The following RGS7 variants were observed in gnomAD, a reference collection of about 807,000 sequenced individuals.
RGS7 encodes the protein regulator of G-protein signaling 7.
In RGS7, 27 loss-of-function variants were observed where a neutral mutation model predicts 81.1. That is an observed-to-expected ratio of 0.33 (90% confidence interval 0.25 to 0.46). The LOEUF is 0.46. Among genes scored for constraint, RGS7 ranks in the 20% least tolerant of loss-of-function variants. The pLI, the probability that RGS7 is intolerant of heterozygous loss-of-function variation, is 1.00. For synonymous variants in RGS7, 208 were observed against 207.7 expected (o/e 1.00, Z -0.01); for missense variants, 396 against 607.4 (o/e 0.65, Z 3.66).
chr1:241,134,643 G>A (rs1558115212), intron 2 of RGS7, among the ~76,000 whole-genome samples: 1 of 152,192 alleles, frequency 6.6e-6, no homozygotes, highest in African/African-American at 2.4e-5. Context: ...AGGCCCACGA[G>A]GGAAAGTGCC....
chr1:241,024,235 A>C (rs1044330145), intron 3 of RGS7, among the ~76,000 whole-genome samples: 3 of 152,210 alleles, frequency 2.0e-5, no homozygotes, highest in African/African-American at 7.2e-5. Flanking sequence ...TAGCACCTTC[A>C]CTTAACAGGT....
At chr1:241,129,619 G>A (rs1173735200) in intron 2 of RGS7, among the ~76,000 whole-genome samples, 2 of 152,132 alleles carry the variant, frequency 1.3e-5, no homozygotes, top group African/African-American at 4.8e-5. Context: ...CCGGCAGAGA[G>A]AATAAAACAG....
intron 2 of RGS7, among the ~76,000 whole-genome samples, chr1:241,241,954 T>C (rs1449821760): frequency 6.6e-6 from 1 of 152,110 alleles, no homozygotes; most frequent in Admixed American, 6.6e-5. Flanking sequence ...TTTTTTAATT[T>C]TTAATTTTGA....
intron 2 of RGS7, among the ~76,000 whole-genome samples, chr1:241,206,996 T>C (rs1414089253): frequency 8.1e-6 from 1 of 123,678 alleles, no homozygotes; most frequent in Non-Finnish European, 1.6e-5. Context: ...TGAGATGGAG[T>C]CTCGCTCTGT....
At chr1:241,197,985 C>G (rs1438064184) in intron 2 of RGS7, among the ~76,000 whole-genome samples, 1 of 151,672 alleles carries the variant, frequency 6.6e-6, no homozygotes, top group Admixed American at 6.6e-5. Flanking sequence ...ACCTACCTAC[C>G]TAGTTTCAAA....
chr1:241,173,291 T>G (rs556917042), intron 2 of RGS7, among the ~76,000 whole-genome samples: 7 of 152,346 alleles, frequency 4.6e-5, no homozygotes, highest in Admixed American at 3.9e-4. Context: ...GCATTGTACT[T>G]TCTTTTCCTA....
intron 9 of RGS7, among the ~76,000 whole-genome samples, chr1:240,836,560 T>C (rs1383114330): frequency 6.6e-6 from 1 of 152,182 alleles, no homozygotes; most frequent in Non-Finnish European, 1.5e-5. Flanking sequence ...TCTGCTGAGA[T>C]GGGAAAGCCT....
chr1:241,084,444 T>A (rs78388687), intron 3 of RGS7, among the ~76,000 whole-genome samples: 103 of 152,302 alleles, frequency 6.8e-4, no homozygotes, highest in East Asian at 3.5e-3. Flanking sequence ...GTCTATGCAA[T>A]TGAAGTCAAC....
chr1:241,218,565 AC>A (rs1390696957), intron 2 of RGS7, among the ~76,000 whole-genome samples: 3 of 152,200 alleles, frequency 2.0e-5, no homozygotes, highest in Non-Finnish European at 2.9e-5. Flanking sequence ...GTTGAAACAG[AC>A]TGCTGCTCTG....
intron 2 of RGS7, among the ~76,000 whole-genome samples, chr1:241,283,239 C>A (rs1249982280): frequency 6.6e-6 from 1 of 152,172 alleles, no homozygotes; most frequent in Non-Finnish European, 1.5e-5. Context: ...TTACTATAGT[C>A]TTTGCTCCTT....
chr1:241,357,188 C>G lies in RGS7; in HGVS notation c.-340G>C, dbSNP rs1273910655. On this transcript the variant is annotated 5_prime_UTR_variant, in exon 1 of 19. Transcript: ENST00000440928. ...TCTTCTCCCGGGGACTGGGACCAGC[C>G]GAGCGCGCGCGGGAGTCGAGACGCC... 6.6e-6 allele frequency: 1 copy of G among 151,940 alleles called. No homozygotes were observed. The highest frequency in any genetic ancestry group is 1.5e-5 in the Non-Finnish European group (1 of 67,994). The allele number at this position is 151,940 out of a possible 1,614,324, so 9.4% of individuals were successfully genotyped here.
chr1:240,920,326 G>A, intron 6 of RGS7: 2 of 1,500,828 alleles, frequency 1.3e-6, no homozygotes, highest in Non-Finnish European at 1.8e-6. Flanking sequence ...AGTGGTCATG[G>A]TGGCTTTGGT....
intron 18 of RGS7, among the ~76,000 whole-genome samples, chr1:240,790,030 GA>G (rs1255816608): frequency 1.3e-5 from 2 of 152,040 alleles, no homozygotes; most frequent in African/African-American, 4.8e-5. Context: ...TTATTTCTCA[GA>G]CCAGCTGACA....
chr1:241,242,688 T>C (rs2076322702), intron 2 of RGS7, among the ~76,000 whole-genome samples: 1 of 152,238 alleles, frequency 6.6e-6, no homozygotes, highest in Admixed American at 6.5e-5. Context: ...AGGAGTAAGG[T>C]GGTATCACAC....
intron 6 of RGS7, among the ~76,000 whole-genome samples, chr1:240,927,327 T>C (rs534811898): frequency 1.3e-5 from 2 of 152,242 alleles, no homozygotes; most frequent in African/African-American, 4.8e-5. Flanking sequence ...AGCCTACCAA[T>C]GTGTTGGGAT....
chr1:241,223,571 A>T (rs753135392), intron 2 of RGS7, among the ~76,000 whole-genome samples: 2 of 152,196 alleles, frequency 1.3e-5, no homozygotes, highest in African/African-American at 2.4e-5. Context: ...CAGAAAGGCA[A>T]TGCTAAAAAA....
intron 2 of RGS7, among the ~76,000 whole-genome samples, chr1:241,102,588 CT>C (rs764699422): frequency 2.0e-5 from 3 of 152,114 alleles, no homozygotes; most frequent in Admixed American, 1.3e-4. Context: ...CCTCCATTCC[CT>C]TTTTTTTCAA....
At chr1:241,187,420 T>C (rs985908722) in intron 2 of RGS7, among the ~76,000 whole-genome samples, 2 of 152,204 alleles carry the variant, frequency 1.3e-5, no homozygotes, top group Non-Finnish European at 2.9e-5. Context: ...CACTAAGAAT[T>C]AGAGATTATA....
chr1:240,986,817 C>A (rs1384861323), intron 3 of RGS7, among the ~76,000 whole-genome samples: 1 of 1,590 alleles, frequency 6.3e-4, no homozygotes, highest in Admixed American at 5.3e-3. Context: ...CTCCTGACCT[C>A]GTGATCCGCC....
Sources: allele counts gnomAD v4.1 joint callset (sites outside exome capture counted in the v4.1 genomes callset), GRCh38; gene constraint gnomAD v4.1.1; transcripts MANE v1.5; gene names NCBI Gene and HGNC (gene_info 2026-07-23, HGNC 2026-07-21).